ADGRB3: variants seen among roughly 807,000 people sequenced by gnomAD.
The protein encoded by ADGRB3 is adhesion G protein-coupled receptor B3, also known as brain-specific angiogenesis inhibitor 3.
ADGRB3 carries 37 observed loss-of-function variants against 193.4 expected under a neutral mutation model. The ratio of observed to expected loss-of-function variants is 0.19; its 90% CI spans 0.15 to 0.25. The LOEUF (loss-of-function observed/expected upper bound fraction) is 0.25. Among genes scored for constraint, ADGRB3 ranks in the 10% least tolerant of loss-of-function variants. The pLI is 1.00. For missense variants in ADGRB3, 1,637 were observed against 1,852.9 expected (o/e 0.88, Z 2.14); for synonymous variants, 690 against 644.2 (o/e 1.07, Z -1.08).
intron 3 of ADGRB3, among the ~76,000 whole-genome samples, chr6:68,706,648 G>A (rs1450971635): frequency 6.6e-6 from 1 of 152,146 alleles, no homozygotes; most frequent in Non-Finnish European, 1.5e-5. Flanking sequence ...TGGGGATAAT[G>A]GTATTGTCTG....
At chr6:68,691,232 T>C (rs1298095423) in intron 3 of ADGRB3, among the ~76,000 whole-genome samples, 1 of 152,112 alleles carries the variant, frequency 6.6e-6, no homozygotes, top group Non-Finnish European at 1.5e-5. Context: ...CTTAATTAAC[T>C]ATCTGAATTG....
intron 17 of ADGRB3, among the ~76,000 whole-genome samples, chr6:69,159,174 C>A (rs1200078855): frequency 6.6e-6 from 1 of 152,012 alleles, no homozygotes; most frequent in African/African-American, 2.4e-5. Flanking sequence ...TATTTACTTT[C>A]ATTGTCCCTG....
At chr6:68,846,743 G>T (rs1402834542) in intron 3 of ADGRB3, among the ~76,000 whole-genome samples, 1 of 152,208 alleles carries the variant, frequency 6.6e-6, no homozygotes. Flanking sequence ...TTGCTGCATG[G>T]GTGGGGCTTT....
At chr6:69,315,323 A>G (rs1768288024) in intron 20 of ADGRB3, among the ~76,000 whole-genome samples, 1 of 151,520 alleles carries the variant, frequency 6.6e-6, no homozygotes, top group African/African-American at 2.4e-5. Flanking sequence ...CCTCTACAGC[A>G]TTGCTTCAAA....
intron 3 of ADGRB3, among the ~76,000 whole-genome samples, chr6:68,880,143 G>A (rs528067483): frequency 4.7e-4 from 72 of 152,248 alleles, no homozygotes; most frequent in African/African-American, 1.6e-3. Flanking sequence ...TTCTGACTTC[G>A]GATAAGGCAG....
At chr6:69,219,465 A>ACG in intron 17 of ADGRB3, among the ~76,000 whole-genome samples, 1 of 73,060 alleles carries the variant, frequency 1.4e-5, no homozygotes, top group African/African-American at 1.0e-4. Context: ...ACACACGTAT[A>ACG]TATATATATA....
rs745422102 is a variant in ADGRB3, at chr6:69,185,449, G to A, written c.2481-47841G>A. 8.5e-5 allele frequency among the ~76,000 whole-genome samples: 13 copies of A among 152,122 alleles called. No homozygotes were observed. In the South Asian group the frequency reaches 1.0e-3, roughly 12 times the overall value. On this transcript the variant is annotated intron_variant, in intron 17 of 31. Transcript: ENST00000370598. ...TGTGTAACTGAAACACCAGATTAGA[G>A]CAGAGCCAGGAACATTTTCAGCACA...
chr6:68,967,258 T>C (rs183640392), intron 8 of ADGRB3, among the ~76,000 whole-genome samples: 5 of 152,324 alleles, frequency 3.3e-5, no homozygotes, highest in Non-Finnish European at 7.3e-5. Flanking sequence ...TTATTGACTT[T>C]TGCTTTTCAT....
At chr6:69,053,397 A>T (rs1420049983) in intron 15 of ADGRB3, among the ~76,000 whole-genome samples, 1 of 152,206 alleles carries the variant, frequency 6.6e-6, no homozygotes, top group African/African-American at 2.4e-5. Context: ...CATTCCCTCT[A>T]TTCTGTTACT....
At chr6:68,725,620 G>T (rs1217816561) in intron 3 of ADGRB3, among the ~76,000 whole-genome samples, 1 of 151,662 alleles carries the variant, frequency 6.6e-6, no homozygotes, top group African/African-American at 2.4e-5. Context: ...GTACACTGAA[G>T]AACTGTTTTG....
chr6:68,969,845 C>T (rs905969139), intron 8 of ADGRB3, among the ~76,000 whole-genome samples: 11 of 152,222 alleles, frequency 7.2e-5, no homozygotes, highest in African/African-American at 2.4e-4. Flanking sequence ...CATTGGCCAT[C>T]TATTCTACCC....
intron 13 of ADGRB3, among the ~76,000 whole-genome samples, chr6:69,045,602 A>G (rs1232831038): frequency 2.6e-5 from 4 of 152,146 alleles, no homozygotes; most frequent in Admixed American, 6.5e-5. Flanking sequence ...CATATTTTAA[A>G]ACAACATGCT....
At position 68,949,036 on chromosome 6, in the gene ADGRB3, T is replaced by G. The variant is rs377726836; in HGVS notation, c.1195+5042T>G. 2.6e-5 allele frequency among the ~76,000 whole-genome samples: 4 copies of G among 152,116 alleles called. No individual in the cohort carries two copies. The South Asian group carries it at 6.2e-4, about 24-fold the overall frequency. On this transcript the variant is annotated intron_variant, in intron 6 of 31. Transcript: ENST00000370598. ...CCCTCTATATTACAGGATTGACATA[T>G]TATTATAATTAGGTAGAAATACTTT...
intron 17 of ADGRB3, among the ~76,000 whole-genome samples, chr6:69,121,729 A>G (rs1484627508): frequency 7.1e-6 from 1 of 141,390 alleles, no homozygotes; most frequent in Non-Finnish European, 1.5e-5. Context: ...CGCACCTCAC[A>G]TCCCAGATGA....
chr6:68,897,563 A>G (rs1766262986), intron 3 of ADGRB3, among the ~76,000 whole-genome samples: 1 of 39,260 alleles, frequency 2.5e-5, no homozygotes, highest in Admixed American at 2.0e-4. Context: ...AAGGAAAGAA[A>G]GAGAAACAAG....
intron 17 of ADGRB3, among the ~76,000 whole-genome samples, chr6:69,163,012 G>A (rs1343951010): frequency 6.6e-6 from 1 of 152,064 alleles, no homozygotes; most frequent in Admixed American, 6.6e-5. Flanking sequence ...AGCCTTTCCA[G>A]CTGTGGGGAT....
chr6:68,676,471 G>A (rs1428907205), intron 3 of ADGRB3, among the ~76,000 whole-genome samples: 1 of 151,480 alleles, frequency 6.6e-6, no homozygotes, highest in Non-Finnish European at 1.5e-5. Context: ...TTTCTTAAAC[G>A]AAAGCCTGCC....
intron 17 of ADGRB3, among the ~76,000 whole-genome samples, chr6:69,138,810 A>G (rs188605319): frequency 6.7e-4 from 102 of 152,366 alleles, no homozygotes; most frequent in Non-Finnish European, 1.2e-3. Context: ...AGAAATTCAC[A>G]TCATAATTCA....
At chr6:69,172,643 C>CAAAAAAAAAAAAAAAAAAAA (rs70987454) in intron 17 of ADGRB3, among the ~76,000 whole-genome samples, 26 of 26,828 alleles carry the variant, frequency 9.7e-4, no homozygotes, top group East Asian at 5.3e-3. Flanking sequence ...GACTCTGTCT[C>CAAAAAAAAAAAAAAAAAAAA]AAAAAAAAAA....
Sources: gnomAD v4.1 joint callset for allele counts (sites outside exome capture counted in the v4.1 genomes callset) on GRCh38, gnomAD v4.1.1 for gene constraint, MANE v1.5 for transcripts, NCBI Gene and HGNC (gene_info 2026-07-23, HGNC 2026-07-21) for gene names.